PCDHA7: variants seen among roughly 807,000 people sequenced by gnomAD.
PCDHA7 encodes protocadherin alpha-7.
PCDHA7 carries 37 observed loss-of-function variants against 57.2 expected under a neutral mutation model. The observed-to-expected ratio is 0.65, with a 90% confidence interval of 0.50 to 0.85. PCDHA7 has a LOEUF of 0.85. PCDHA7 is among the 40% of genes least tolerant of loss of function. The pLI, the probability that PCDHA7 is intolerant of heterozygous loss-of-function variation, is 0.00. For synonymous variants in PCDHA7, 553 were observed against 558.8 expected (o/e 0.99, Z 0.15); for missense variants, 1,188 against 1,241.8 (o/e 0.96, Z 0.65).
At chr5:140,938,218 T>C (rs1050033125) in intron 1 of PCDHA7, among the ~76,000 whole-genome samples, 1 of 152,210 alleles carries the variant, frequency 6.6e-6, no homozygotes, top group Admixed American at 6.5e-5. Flanking sequence ...AGTGCTGGGA[T>C]TACAGGCATA....
chr5:140,952,379 G>T (rs1384901092), intron 1 of PCDHA7, among the ~76,000 whole-genome samples: 1 of 151,322 alleles, frequency 6.6e-6, no homozygotes, highest in Non-Finnish European at 1.5e-5. Flanking sequence ...TCCTCTGCCA[G>T]GTACCCTAAA....
intron 1 of PCDHA7, chr5:140,850,189 T>C: frequency 6.3e-7 from 1 of 1,593,496 alleles, no homozygotes; most frequent in South Asian, 1.1e-5. Flanking sequence ...GCGCCGGCGC[T>C]GCTGACACCT....
At position 140,849,641 on chromosome 5, in the gene PCDHA7, C is replaced by A. The variant is rs2150443548; in HGVS notation, c.2355+12903C>A. 5 of 1,598,742 alleles carry A rather than the reference C, an allele frequency of 3.1e-6. 2 individuals are homozygous for A. Among genetic ancestry groups the A allele is most frequent in the Non-Finnish European group, 2.6e-6 (3 of 1,167,966 alleles). ...TGATCGACCTAGACGCAGATGCCAA[C>A]GGGCAGGTTACCTGCTCCCTGACGC... On this transcript the variant is annotated intron_variant, in intron 1 of 3. Coordinates refer to ENST00000525929, the MANE Select transcript of PCDHA7 (RefSeq NM_018910.3).
At chr5:140,889,176 A>T (rs2062131208) in intron 1 of PCDHA7, among the ~76,000 whole-genome samples, 1 of 151,738 alleles carries the variant, frequency 6.6e-6, no homozygotes, top group South Asian at 2.1e-4. Context: ...CAAGTTATAA[A>T]TAAGAATCTA....
At position 140,850,006 on chromosome 5, in the gene PCDHA7, T is replaced by A. The variant is rs2150463121; in HGVS notation, c.2355+13268T>A. On this transcript the variant is annotated intron_variant, in intron 1 of 3. Coordinates refer to ENST00000525929, the MANE Select transcript of PCDHA7 (RefSeq NM_018910.3). ...GAGCGGCGGTTGGGCGAGCGCTCGC[T>A]GTCGAGCTACGTGTCAGTGCACGCG... is the stretch of plus-strand genomic sequence containing the variant. The A allele has an allele frequency of 2.5e-6, 4 of 1,596,854 alleles. No homozygotes were observed. In the African/African-American group the frequency reaches 5.4e-5, roughly 21 times the overall value.
chr5:140,929,589 G>T lies in PCDHA7; in HGVS notation c.2356-49360G>T, dbSNP rs183312863. 667 of 427,178 alleles carry T rather than the reference G, an allele frequency of 1.6e-3. 2 individuals are homozygous for T. The highest frequency in any genetic ancestry group is 3.3e-3 in the Admixed American group (76 of 23,230). The allele number at this position is 427,178 out of a possible 1,614,324, so 26.5% of individuals were successfully genotyped here. A position where few individuals can be genotyped will look rare whatever the true frequency, so the allele number is the denominator to read the frequency against. On this transcript the variant is annotated intron_variant, in intron 1 of 3. Coordinates refer to ENST00000525929, the MANE Select transcript of PCDHA7 (RefSeq NM_018910.3). ...AACAATAAAAGTAATATGACATAAA[G>T]GTCTAAAATTAAAAATAAAATACCA...
intron 2 of PCDHA7, among the ~76,000 whole-genome samples, chr5:140,981,379 G>C (rs1387904235): frequency 6.6e-6 from 1 of 152,152 alleles, no homozygotes; most frequent in Non-Finnish European, 1.5e-5. Context: ...TTCAAGACCA[G>C]CCTGGTCAAT....
intron 1 of PCDHA7, chr5:140,847,350 T>A (rs1554141746): frequency 6.7e-6 from 1 of 149,796 alleles, no homozygotes; most frequent in Non-Finnish European, 1.5e-5. Context: ...TAGGCTGTTA[T>A]CAGTAGAAAT....
chr5:140,848,454 G>T, intron 1 of PCDHA7: 1 of 1,522,346 alleles, frequency 6.6e-7, no homozygotes, highest in Non-Finnish European at 8.9e-7. Context: ...CTTCTAATTT[G>T]GAGGCAATTT....
At chr5:140,885,291 G>A (rs1554182107) in intron 1 of PCDHA7, among the ~76,000 whole-genome samples, 6 of 152,132 alleles carry the variant, frequency 3.9e-5, no homozygotes, top group Non-Finnish European at 8.8e-5. Context: ...TATATAGAGA[G>A]AGACCTGGTA....
chr5:140,992,405 C>T (rs962261885), intron 3 of PCDHA7, among the ~76,000 whole-genome samples: 1 of 152,152 alleles, frequency 6.6e-6, no homozygotes, highest in Non-Finnish European at 1.5e-5. Context: ...AGATATTGTT[C>T]TGCCCCAGGT....
chr5:140,932,421 G>T (rs530079640), intron 1 of PCDHA7, among the ~76,000 whole-genome samples: 1 of 151,878 alleles, frequency 6.6e-6, no homozygotes, highest in Non-Finnish European at 1.5e-5. Context: ...TTAGTGTATT[G>T]TTCACCTGGA....
At chr5:140,863,021 T>A (rs1228071790) in intron 1 of PCDHA7, 1 of 554,192 alleles carries the variant, frequency 1.8e-6, no homozygotes, top group Non-Finnish European at 3.5e-6. Flanking sequence ...CGCCTGGTTG[T>A]CGCAACAGCT....
intron 1 of PCDHA7, among the ~76,000 whole-genome samples, chr5:140,900,333 C>T (rs10071692): frequency 3.3e-5 from 5 of 151,856 alleles, no homozygotes; most frequent in Admixed American, 6.6e-5. Flanking sequence ...GCTGGAGTAC[C>T]GTGGCGCAAT....
At chr5:140,868,032 C>T (rs1456286268) in intron 1 of PCDHA7, 1 of 152,026 alleles carries the variant, frequency 6.6e-6, no homozygotes, top group Non-Finnish European at 1.5e-5. Flanking sequence ...ATGTTGGTGA[C>T]TTGGAAATAC....
Position 140,870,110 on chromosome 5 carries a change from G to A in PCDHA7, c.2355+33372G>A, listed in dbSNP as rs570133503. 6 of 1,613,896 alleles carry A rather than the reference G, an allele frequency of 3.7e-6. No individual in the cohort carries two copies. In the South Asian group the frequency reaches 6.6e-5, roughly 18 times the overall value. On this transcript the variant is annotated intron_variant, in intron 1 of 3. Coordinates refer to ENST00000525929, the MANE Select transcript of PCDHA7 (RefSeq NM_018910.3). ...CCAATGGCAGGTCACTGTACAGTCT[G>A]GGTGGAAATCTTGGACACCAACGAT... is the stretch of plus-strand genomic sequence containing the variant.
chr5:140,915,205 C>G (rs1554196797), intron 1 of PCDHA7, among the ~76,000 whole-genome samples: 1 of 152,076 alleles, frequency 6.6e-6, no homozygotes, highest in Non-Finnish European at 1.5e-5. Flanking sequence ...TCTTGGCCTC[C>G]CAAAGTGCTG....
At chr5:140,994,704 CA>C (rs1294993555) in intron 3 of PCDHA7, among the ~76,000 whole-genome samples, 1 of 150,730 alleles carries the variant, frequency 6.6e-6, no homozygotes, top group Non-Finnish European at 1.5e-5. Flanking sequence ...GACCCTGTCT[CA>C]AAAAAAAATT....
chr5:140,881,127 A>G (rs1274793505), intron 1 of PCDHA7, among the ~76,000 whole-genome samples: 1 of 152,234 alleles, frequency 6.6e-6, no homozygotes, highest in Non-Finnish European at 1.5e-5. Context: ...GTGGCTTGGT[A>G]GAGATAGTTA....
Sources: gnomAD v4.1 joint callset for allele counts (sites outside exome capture counted in the v4.1 genomes callset) on GRCh38, gnomAD v4.1.1 for gene constraint, MANE v1.5 for transcripts, NCBI Gene and HGNC (gene_info 2026-07-23, HGNC 2026-07-21) for gene names.